SLC35A3: variants seen among roughly 807,000 people sequenced by gnomAD.
The protein encoded by SLC35A3 is UDP-N-acetylglucosamine transporter.
A neutral mutation model predicts 39.0 loss-of-function variants in SLC35A3; 26 were observed. That is an observed-to-expected ratio of 0.67 (90% CI 0.49 to 0.92). SLC35A3 has a LOEUF of 0.92. SLC35A3 is among the 40% of genes least tolerant of loss of function. The probability of loss-of-function intolerance (pLI) is 0.00; values close to 1 mark genes in which losing one functional copy is unlikely to be tolerated. For synonymous variants in SLC35A3, 135 were observed against 133.1 expected (o/e 1.01, Z -0.10); for missense variants, 299 against 371.6 (o/e 0.80, Z 1.61).
intron 4 of SLC35A3, among the ~76,000 whole-genome samples, chr1:100,011,119 T>C (rs1334012298): frequency 6.6e-6 from 1 of 152,224 alleles, no homozygotes; most frequent in African/African-American, 2.4e-5. Flanking sequence ...TTGGTCTCTG[T>C]AATAGATGAA....
intron 1 of SLC35A3, among the ~76,000 whole-genome samples, chr1:99,981,111 C>T (rs1234342391): frequency 6.6e-6 from 1 of 152,134 alleles, no homozygotes; most frequent in Non-Finnish European, 1.5e-5. Context: ...AGATAATGGA[C>T]AAAAAATTTC....
In SLC35A3 at chr1:100,034,209, T is replaced by C. The variant is rs972591003; in HGVS notation, c.*11733T>C. 1 of 152,154 alleles carries C rather than the reference T, an allele frequency of 6.6e-6. No homozygotes were observed. The highest frequency in any genetic ancestry group is 1.5e-5 in the Non-Finnish European group (1 of 68,006). The allele number at this position is 152,154 out of a possible 1,614,324, so 9.4% of individuals were successfully genotyped here. ...TTTTTCTATATTATTTTATCTATGA[T>C]CCTTTTTATCTCATTTTTGTTCTCA... On this transcript the variant is annotated 3_prime_UTR_variant, in exon 8 of 8. Transcript: ENST00000533028.
chr1:99,993,972 A>G (rs1658239555), intron 2 of SLC35A3, among the ~76,000 whole-genome samples: 1 of 152,154 alleles, frequency 6.6e-6, no homozygotes, highest in African/African-American at 2.4e-5. Context: ...AGTTTCTTGC[A>G]TTTATAATAA....
At position 100,023,115 on chromosome 1, in the gene SLC35A3, A is replaced by T. The variant is rs1049381456; in HGVS notation, c.*639A>T. 4 of 152,208 alleles carry T rather than the reference A, an allele frequency of 2.6e-5. No homozygotes were observed. The highest frequency in any genetic ancestry group is 9.6e-5 in the African/African-American group (4 of 41,462). The allele number at this position is 152,208 out of a possible 1,614,324, so 9.4% of individuals were successfully genotyped here. A position where few individuals can be genotyped will look rare whatever the true frequency, so the allele number is the denominator to read the frequency against. On this transcript the variant is annotated 3_prime_UTR_variant, in exon 8 of 8. Coordinates refer to ENST00000533028, the MANE Select transcript of SLC35A3 (RefSeq NM_012243.3). ...ATGTAGAGATACATACTATTTCTCC[A>T]TATGAATTTTAAGATATTTTAGTGC...
intron 1 of SLC35A3, among the ~76,000 whole-genome samples, chr1:99,972,083 T>G (rs1334739661): frequency 6.6e-6 from 1 of 152,042 alleles, no homozygotes; most frequent in Non-Finnish European, 1.5e-5. Context: ...GTAGTTTTAG[T>G]TGAGACGGGG....
chr1:100,001,434 T>A (rs1436985788), intron 3 of SLC35A3, among the ~76,000 whole-genome samples: 1 of 152,144 alleles, frequency 6.6e-6, no homozygotes, highest in Non-Finnish European at 1.5e-5. Flanking sequence ...TTGGTTAAAT[T>A]TATTCCCAGA....
intron 1 of SLC35A3, chr1:99,970,505 C>T: frequency 1.3e-6 from 2 of 1,494,220 alleles, no homozygotes; most frequent in Non-Finnish European, 1.8e-6. Flanking sequence ...GTGGGCCCGG[C>T]TGGGGCCCGT....
intron 1 of SLC35A3, among the ~76,000 whole-genome samples, chr1:99,971,682 A>G (rs1320637346): frequency 6.6e-6 from 1 of 152,008 alleles, no homozygotes; most frequent in Non-Finnish European, 1.5e-5. Flanking sequence ...TTTTAGCCAA[A>G]CTAGTCGTTA....
intron 1 of SLC35A3, 118 bp from the exon 2 acceptor site, chr1:99,993,419 G>A (rs1291235851): frequency 2.9e-6 from 2 of 680,756 alleles, no homozygotes. Flanking sequence ...TTTCTTTTTG[G>A]TGGCAGGTGG....
chr1:100,021,421 A>T (rs2101492033), intron 7 of SLC35A3, among the ~76,000 whole-genome samples: 1 of 152,262 alleles, frequency 6.6e-6, no homozygotes, highest in African/African-American at 2.4e-5. Flanking sequence ...TCATGCCTGT[A>T]ATCACAGCAC....
At position 100,024,138 on chromosome 1, in the gene SLC35A3, AAGAG is replaced by A. The variant is rs909114449; in HGVS notation, c.*1671_*1674del. On this transcript the variant is annotated 3_prime_UTR_variant, in exon 8 of 8. Coordinates refer to ENST00000533028, the MANE Select transcript of SLC35A3 (RefSeq NM_012243.3). The stretch of plus-strand genomic sequence containing the variant: ...CATGAGTTATTTAATAAGTTGATTC[AAGAG>A]AGAGAGAGTATATTAGAAATGGTAA... The A allele has an allele frequency of 1.3e-5, 2 of 150,796 alleles. No individual in the cohort carries two copies. Among genetic ancestry groups the A allele is most frequent in the African/African-American group, 2.5e-5 (1 of 40,336 alleles). The allele number at this position is 150,796 out of a possible 1,614,324, so 9.3% of individuals were successfully genotyped here. A position where few individuals can be genotyped will look rare whatever the true frequency, so the allele number is the denominator to read the frequency against.
At position 100,011,750 on chromosome 1, in the gene SLC35A3, C is replaced by T. The variant is rs115934432; in HGVS notation, c.634+217C>T. Among the ~76,000 whole-genome samples the T allele has an allele frequency of 0.091, 13,663 of 150,232 alleles. 1,119 individuals are homozygous for T. The highest frequency in any genetic ancestry group is 0.22 in the African/African-American group (8,827 of 40,866). On this transcript the variant is annotated intron_variant, in intron 5 of 7. Coordinates refer to ENST00000533028, the MANE Select transcript of SLC35A3 (RefSeq NM_012243.3). ...TATTTATTTATTTTTGACAGATTCT[C>T]GCTCTCTCGCCCAGGCTGGAGTGCA...
chr1:100,013,875 C>T (rs1490390492), intron 5 of SLC35A3, among the ~76,000 whole-genome samples: 1 of 152,064 alleles, frequency 6.6e-6, no homozygotes, highest in Non-Finnish European at 1.5e-5. Context: ...TTGTGGAATA[C>T]TTTGATTAGT....
intron 1 of SLC35A3, chr1:99,970,584 C>G: frequency 1.3e-6 from 2 of 1,536,032 alleles, no homozygotes; most frequent in Non-Finnish European, 1.7e-6. Context: ...CAGATGCACC[C>G]GACCAGCACC....
intron 1 of SLC35A3, among the ~76,000 whole-genome samples, chr1:99,992,604 A>G (rs1331250485): frequency 3.3e-5 from 5 of 152,260 alleles, no homozygotes; most frequent in South Asian, 2.1e-4. Context: ...AATTATTTTA[A>G]GTCTTCATAA....
At chr1:99,999,437 C>CT (rs1298240318) in intron 3 of SLC35A3, 22 bp downstream of exon 3, 1 of 1,544,924 alleles carries the variant, frequency 6.5e-7, no homozygotes, top group Non-Finnish European at 8.7e-7. Context: ...ACATTTCTTT[C>CT]TTTTTTAAAA....
At chr1:99,999,482 T>G (rs1175209508) in intron 3 of SLC35A3, 67 bp downstream of exon 3, 17 of 1,042,964 alleles carry the variant, frequency 1.6e-5, no homozygotes, top group Admixed American at 1.0e-4. Flanking sequence ...TTGTATATAT[T>G]TATGGGGTAC....
At chr1:99,979,773 G>T (rs1476636580) in intron 1 of SLC35A3, among the ~76,000 whole-genome samples, 1 of 151,386 alleles carries the variant, frequency 6.6e-6, no homozygotes, top group Non-Finnish European at 1.5e-5. Context: ...GCCGGGTGCG[G>T]TGGCTCACGC....
chr1:100,015,220 A>G (rs1231633224), intron 5 of SLC35A3, 82 bp from the exon 6 acceptor site: 1 of 1,292,718 alleles, frequency 7.7e-7, no homozygotes, highest in Non-Finnish European at 1.0e-6. Flanking sequence ...TTAAGTGTAA[A>G]ATTATTTGGA....
Sources: gnomAD v4.1 joint callset for allele counts (sites outside exome capture counted in the v4.1 genomes callset) on GRCh38, gnomAD v4.1.1 for gene constraint, MANE v1.5 for transcripts, NCBI Gene and HGNC (gene_info 2026-07-23, HGNC 2026-07-21) for gene names.